Variants in SLIT1 observed in about 807,000 individuals in gnomAD.
SLIT1 encodes the protein slit homolog 1 protein.
In SLIT1, 66 loss-of-function variants were observed where a neutral mutation model predicts 186.1. The ratio of observed to expected loss-of-function variants is 0.35; its 90% CI spans 0.29 to 0.44. The LOEUF is 0.44. SLIT1 is among the 20% of genes least tolerant of loss of function. SLIT1 has a pLI of 1.00. For synonymous variants in SLIT1, 761 were observed against 833.8 expected, an observed-to-expected ratio of 0.91 and a Z score of 1.50; for missense variants, 1,638 against 2,037.4, an observed-to-expected ratio of 0.80 and a Z score of 3.77.
chr10:97,067,799 G>A (rs2805597), intron 4 of SLIT1, among the ~76,000 whole-genome samples: 94,438 of 152,084 alleles, frequency 0.62, 31,388 homozygotes, highest in East Asian at 0.83. Flanking sequence ...GTGCCAGGCA[G>A]TTCCACAGCC....
At chr10:97,095,275 T>A (rs140513096) in intron 4 of SLIT1, among the ~76,000 whole-genome samples, 1 of 152,018 alleles carries the variant, frequency 6.6e-6, no homozygotes, top group Non-Finnish European at 1.5e-5. Flanking sequence ...AGAGCAAAAC[T>A]CCTTCTCAAA....
chr10:97,178,579 A>G (rs1028125960), intron 1 of SLIT1, among the ~76,000 whole-genome samples: 4 of 152,240 alleles, frequency 2.6e-5, no homozygotes, highest in African/African-American at 9.6e-5. Flanking sequence ...ACATTATCAG[A>G]GCAATTGATG....
At chr10:97,136,631 T>C (rs1329593330) in intron 4 of SLIT1, among the ~76,000 whole-genome samples, 1 of 152,234 alleles carries the variant, frequency 6.6e-6, no homozygotes, top group Non-Finnish European at 1.5e-5. Context: ...CGGCGTTTTA[T>C]AGAGTACTGA....
intron 4 of SLIT1, among the ~76,000 whole-genome samples, chr10:97,104,440 G>T (rs1849392346): frequency 6.6e-6 from 1 of 152,112 alleles, no homozygotes; most frequent in Non-Finnish European, 1.5e-5. Flanking sequence ...ACGTAAGGCA[G>T]TAGGAACATG....
intron 18 of SLIT1, among the ~76,000 whole-genome samples, chr10:97,045,628 G>A (rs955536914): frequency 3.9e-5 from 6 of 152,134 alleles, no homozygotes; most frequent in Admixed American, 3.9e-4. Context: ...CCACATTTAA[G>A]GAATACTAGG....
chr10:97,072,709 G>A (rs531431124), intron 4 of SLIT1, among the ~76,000 whole-genome samples: 55 of 152,304 alleles, frequency 3.6e-4, no homozygotes, highest in Non-Finnish European at 6.8e-4. Flanking sequence ...GGTGAACCTT[G>A]GAAGCCTCAG....
intron 1 of SLIT1, among the ~76,000 whole-genome samples, chr10:97,178,768 TAGAG>T (rs542027491): frequency 4.4e-3 from 609 of 139,974 alleles, no homozygotes; most frequent in Non-Finnish European, 6.8e-3. Context: ...GTGTGTGCGA[TAGAG>T]AGAAGAGAGA....
At chr10:97,130,242 C>T (rs1168841207) in intron 4 of SLIT1, among the ~76,000 whole-genome samples, 1 of 152,196 alleles carries the variant, frequency 6.6e-6, no homozygotes. Flanking sequence ...ACCACATGAT[C>T]CAGCAATTCC....
intron 25 of SLIT1, 38 bp downstream of exon 25, chr10:97,030,719 A>C: frequency 1.9e-6 from 3 of 1,544,802 alleles, no homozygotes; most frequent in Non-Finnish European, 2.7e-6. Flanking sequence ...TCCTGTTGAA[A>C]TCCAAAGAGG....
chr10:97,059,371 T>C (rs1187659326), intron 11 of SLIT1, 89 bp downstream of exon 11: 1 of 1,061,462 alleles, frequency 9.4e-7, no homozygotes, highest in Admixed American at 1.7e-5. Context: ...GCCCTGCTCC[T>C]CCTCCTGCAT....
At chr10:97,131,048 T>C (rs962273279) in intron 4 of SLIT1, among the ~76,000 whole-genome samples, 2 of 152,152 alleles carry the variant, frequency 1.3e-5, no homozygotes, top group Non-Finnish European at 2.9e-5. Context: ...ACAGAGCCTG[T>C]GGGGCCCAAG....
At chr10:97,110,797 G>A (rs1208551008) in intron 4 of SLIT1, among the ~76,000 whole-genome samples, 1 of 152,200 alleles carries the variant, frequency 6.6e-6, no homozygotes, top group Non-Finnish European at 1.5e-5. Context: ...AAGTTTGGTG[G>A]TGAATTCATG....
intron 27 of SLIT1, 32 bp downstream of exon 27, chr10:97,018,951 C>T (rs1275100948): frequency 1.4e-6 from 2 of 1,385,882 alleles, no homozygotes; most frequent in Non-Finnish European, 2.0e-6. Flanking sequence ...CACGAAGAGC[C>T]CTCCTCCTCC....
Position 97,040,005 on chromosome 10 carries a change from G to T in SLIT1, c.2280C>A (p.Pro760=). The T allele has an allele frequency of 6.2e-7, 1 of 1,613,762 alleles. No homozygotes were observed. Among genetic ancestry groups the T allele is most frequent in the Non-Finnish European group, 8.5e-7 (1 of 1,179,852 alleles). The part of the protein sequence containing the change: ...KHLRALPKGI[P]KNVTELYLDG... ...CTACTCACAGTTCTGTGACATTCTT[G>T]GGAATGCCCTTGGGCAGGGCCCGCA... is the stretch of plus-strand genomic sequence containing the variant. Residue 760 remains proline (P), a synonymous_variant, in exon 21 of 37, where the codon CCC becomes CCA. Coordinates refer to ENST00000266058, the MANE Select transcript of SLIT1 (RefSeq NM_003061.3).
chr10:97,031,817 T>C (rs1235649069), intron 23 of SLIT1, 140 bp from the exon 24 acceptor site: 2 of 651,046 alleles, frequency 3.1e-6, no homozygotes, highest in Admixed American at 5.5e-5. Context: ...AGCCGGCAAG[T>C]GCATGGGCTG....
At chr10:97,008,059 A>G (rs947369482) in intron 31 of SLIT1, among the ~76,000 whole-genome samples, 2 of 152,088 alleles carry the variant, frequency 1.3e-5, no homozygotes, top group African/African-American at 4.8e-5. Context: ...GAAGGAAGGC[A>G]AGCAAGGGAA....
At chr10:97,137,922 CTG>C in intron 4 of SLIT1, among the ~76,000 whole-genome samples, 1 of 152,306 alleles carries the variant, frequency 6.6e-6, no homozygotes, top group South Asian at 2.1e-4. Context: ...CATAAGAAAA[CTG>C]AGTCTAAACA....
intron 36 of SLIT1, among the ~76,000 whole-genome samples, chr10:97,001,731 C>T (rs1429003356): frequency 6.6e-6 from 1 of 152,120 alleles, no homozygotes; most frequent in Non-Finnish European, 1.5e-5. Context: ...GTTTCTCCAG[C>T]TTCTCCCTGC....
intron 4 of SLIT1, among the ~76,000 whole-genome samples, chr10:97,067,603 C>T (rs58351227): frequency 6.6e-6 from 1 of 152,218 alleles, no homozygotes; most frequent in East Asian, 1.9e-4. Flanking sequence ...AGAGCCCTGG[C>T]TTGTGCGGCA....
Sources: allele counts gnomAD v4.1 joint callset (sites outside exome capture counted in the v4.1 genomes callset), GRCh38; gene constraint gnomAD v4.1.1; transcripts MANE v1.5; gene names NCBI Gene and HGNC (gene_info 2026-07-23, HGNC 2026-07-21).